Variants in IMMP2L observed in about 807,000 individuals in gnomAD.
IMMP2L encodes the protein inner mitochondrial membrane peptidase subunit 2.
A neutral mutation model predicts 19.3 loss-of-function variants in IMMP2L; 18 were observed. The ratio of observed to expected loss-of-function variants is 0.93; its 90% CI spans 0.64 to 1.38. The LOEUF (loss-of-function observed/expected upper bound fraction) is 1.38. IMMP2L is among the 40% of genes most tolerant of loss of function. IMMP2L has a pLI of 0.00. For missense variants in IMMP2L, 233 were observed against 218.2 expected (o/e 1.07, Z -0.43); for synonymous variants, 76 against 73.0 (o/e 1.04, Z -0.21).
chr7:110,865,390 A>G (rs1457322546), intron 5 of IMMP2L, among the ~76,000 whole-genome samples: 2 of 152,078 alleles, frequency 1.3e-5, no homozygotes, highest in Non-Finnish European at 2.9e-5. Context: ...CCTACTCTCC[A>G]GTGTTAGCCT....
chr7:111,364,879 A>G (rs1255981214), intron 3 of IMMP2L, among the ~76,000 whole-genome samples: 2 of 151,562 alleles, frequency 1.3e-5, no homozygotes, highest in Non-Finnish European at 2.9e-5. Flanking sequence ...CTGAGGCAGG[A>G]GAATCGCTTG....
Position 110,924,112 on chromosome 7 carries a change from C to T in IMMP2L, c.306-37417G>A, listed in dbSNP as rs373221649. Reference sequence around the variant, plus strand: ...AAAAGTCTGACTTCTACCTAAAATGCTCTTTTCCTCACTTTGTGATTTCAC... The same window carrying T: ...AAAAGTCTGACTTCTACCTAAAATGTTCTTTTCCTCACTTTGTGATTTCAC... On this transcript the variant is annotated intron_variant, in intron 4 of 5. Transcript: ENST00000405709. This position sits in a 1 kb window ranked among gnomAD's most constrained non-coding sequence, Gnocchi z 4.2. 7.6e-4 allele frequency among the ~76,000 whole-genome samples: 116 copies of T among 152,290 alleles called. 3 individuals are homozygous for T. In the South Asian group the frequency reaches 0.021, roughly 27 times the overall value.
chr7:110,727,240 A>C lies in IMMP2L; in HGVS notation c.409-63519T>G, dbSNP rs1795942939. Among the ~76,000 whole-genome samples, 1 of 152,028 alleles carries C rather than the reference A, an allele frequency of 6.6e-6. No individual in the cohort carries two copies. Among genetic ancestry groups the C allele is most frequent in the Admixed American group, 6.6e-5 (1 of 15,258 alleles). ...ACGTCTCTACTAAAAATACAAAAAA[A>C]TGTAGTTGGGCAGGGTGGTGCATGC... On this transcript the variant is annotated intron_variant, in intron 5 of 5. Coordinates refer to ENST00000405709, the MANE Select transcript of IMMP2L (RefSeq NM_032549.4). The surrounding 1 kb of genome is among the most constrained non-coding windows in gnomAD (Gnocchi z 4.3).
intron 2 of IMMP2L, among the ~76,000 whole-genome samples, chr7:111,503,316 T>C (rs1307074363): frequency 1.3e-5 from 2 of 152,082 alleles, no homozygotes; most frequent in East Asian, 3.9e-4. Context: ...TCTGAAATTG[T>C]GGCAATAATC....
chr7:111,242,554 C>G (rs1030461561), intron 3 of IMMP2L, among the ~76,000 whole-genome samples: 15 of 152,078 alleles, frequency 9.9e-5, no homozygotes, highest in African/African-American at 2.4e-4. Context: ...ATTCATTCAC[C>G]TGAACCACCC....
At chr7:111,201,564 A>C (rs1435953845) in intron 3 of IMMP2L, among the ~76,000 whole-genome samples, 3 of 151,948 alleles carry the variant, frequency 2.0e-5, no homozygotes, top group Non-Finnish European at 4.4e-5. Flanking sequence ...AAAAATACAA[A>C]AAATTTGCTA....
Position 111,521,315 on chromosome 7 carries a change from G to C in IMMP2L, c.133C>G (p.Gln45Glu). 6.2e-7 allele frequency: 1 copy of C among 1,610,768 alleles called. No individual in the cohort carries two copies. The highest frequency in any genetic ancestry group is 2.2e-5 in the East Asian group (1 of 44,846). Residue 45 changes from glutamine (Q) to glutamate (E), a missense_variant and splice_region_variant, in exon 2 of 6, where the codon CAG becomes GAG. Gln to Glu is a conservative substitution (Grantham distance 29). Transcript: ENST00000405709. Reference protein sequence around the residue: ...CVARVEGASMQPSLNPGGSQS... With the variant: ...CVARVEGASMEPSLNPGGSQS... Reference sequence around the variant, plus strand: ...GAACGAAGTTATATCATTTTCACCTGCATCGATGCTCCTTCTACTCTTGCC... The same window carrying C: ...GAACGAAGTTATATCATTTTCACCTCCATCGATGCTCCTTCTACTCTTGCC...
rs1002782709 is a variant in IMMP2L at position 111,492,412 on chromosome 7, C to T, written c.136-5071G>A. The T allele has an allele frequency of 2.4e-5, 24 of 983,496 alleles. No homozygotes were observed. The African/African-American group carries it at 4.0e-4, about 16-fold the overall frequency. The allele number at this position is 983,496 out of a possible 1,614,324, so 60.9% of individuals were successfully genotyped here. A position where few individuals can be genotyped will look rare whatever the true frequency, so the allele number is the denominator to read the frequency against. On this transcript the variant is annotated intron_variant, in intron 2 of 5. Transcript: ENST00000405709. ...CAGTTTCTAACCCGCTCTTTGGATG[C>T]CTCATTATCAGACTTCCCCTCTGTC...
intron 5 of IMMP2L, among the ~76,000 whole-genome samples, chr7:110,778,446 G>A (rs1033016891): frequency 3.3e-5 from 5 of 151,874 alleles, no homozygotes; most frequent in Admixed American, 6.6e-5. Flanking sequence ...ATTCATCATC[G>A]TTTACTTCTG....
At chr7:111,544,169 T>C (rs753834260) in intron 1 of IMMP2L, among the ~76,000 whole-genome samples, 17 of 152,092 alleles carry the variant, frequency 1.1e-4, no homozygotes, top group South Asian at 2.1e-4. Flanking sequence ...ACACCACATG[T>C]TCTCACTCAT....
chr7:111,085,970 G>A (rs1796288840), intron 3 of IMMP2L, among the ~76,000 whole-genome samples: 1 of 152,144 alleles, frequency 6.6e-6, no homozygotes, highest in African/African-American at 2.4e-5. Context: ...CTCCTGGAGG[G>A]TTAAGAGTGG....
intron 5 of IMMP2L, among the ~76,000 whole-genome samples, chr7:110,699,695 G>A (rs576397705): frequency 6.6e-6 from 1 of 151,418 alleles, no homozygotes; most frequent in Admixed American, 6.6e-5. Flanking sequence ...TTGAACCCAG[G>A]AGGCGAAGGT....
At chr7:111,092,742 T>C (rs1300207333) in intron 3 of IMMP2L, among the ~76,000 whole-genome samples, 1 of 152,182 alleles carries the variant, frequency 6.6e-6, no homozygotes, top group Non-Finnish European at 1.5e-5. Flanking sequence ...ACTTAGAATA[T>C]GCTTTCAAAC....
chr7:111,468,147 G>C (rs1373119536), intron 3 of IMMP2L, among the ~76,000 whole-genome samples: 1 of 151,888 alleles, frequency 6.6e-6, no homozygotes, highest in Non-Finnish European at 1.5e-5. Context: ...TTACCTCAGG[G>C]GATCTATTGT....
intron 3 of IMMP2L, among the ~76,000 whole-genome samples, chr7:111,137,513 A>C (rs1344354172): frequency 5.3e-5 from 8 of 152,174 alleles, no homozygotes; most frequent in Admixed American, 4.6e-4. Flanking sequence ...CACTCAGACC[A>C]CATTGCTCAA....
At chr7:111,312,101 T>C (rs906695955) in intron 3 of IMMP2L, among the ~76,000 whole-genome samples, 4 of 152,112 alleles carry the variant, frequency 2.6e-5, no homozygotes, top group African/African-American at 9.7e-5. Context: ...CCTATCTCCC[T>C]AAGGCTTTGG....
intron 2 of IMMP2L, among the ~76,000 whole-genome samples, chr7:111,520,828 C>A (rs1050087264): frequency 1.3e-5 from 2 of 152,124 alleles, no homozygotes; most frequent in African/African-American, 4.8e-5. Context: ...CTGTAAACTG[C>A]ACTTAATCTT....
intron 3 of IMMP2L, among the ~76,000 whole-genome samples, chr7:111,152,360 T>A (rs563257700): frequency 1.3e-5 from 2 of 152,186 alleles, no homozygotes; most frequent in South Asian, 4.1e-4. Flanking sequence ...TAACTTTTCC[T>A]TAGGCTCTTC....
chr7:111,108,117 T>C (rs1798755421), intron 3 of IMMP2L, among the ~76,000 whole-genome samples: 1 of 152,034 alleles, frequency 6.6e-6, no homozygotes, highest in African/African-American at 2.4e-5. Flanking sequence ...TAGTGCAGAT[T>C]CTTAACCCCA....
Sources: allele counts gnomAD v4.1 joint callset (sites outside exome capture counted in the v4.1 genomes callset), GRCh38; gene constraint gnomAD v4.1.1; non-coding constraint Gnocchi (gnomAD v3.1); transcripts MANE v1.5; gene names NCBI Gene and HGNC (gene_info 2026-07-23, HGNC 2026-07-21).